Variants in AFMID observed in about 807,000 individuals in gnomAD.
The protein encoded by AFMID is arylformamidase, also known as kynurenine formamidase.
In AFMID, 39 loss-of-function variants were observed where a neutral mutation model predicts 47.5. The ratio of observed to expected loss-of-function variants is 0.82; its 90% CI spans 0.64 to 1.07. AFMID has a LOEUF of 1.07. Ranked by LOEUF, AFMID falls within the 50% of genes least tolerant of loss-of-function variation. The pLI, the probability that AFMID is intolerant of heterozygous loss-of-function variation, is 0.00. For missense variants in AFMID, 375 were observed against 387.5 expected, an observed-to-expected ratio of 0.97 and a Z score of 0.27; for synonymous variants, 130 against 153.2, an observed-to-expected ratio of 0.85 and a Z score of 1.12.
At chr17:78,190,250 C>T (rs1165300121) in intron 1 of AFMID, among the ~76,000 whole-genome samples, 1 of 152,088 alleles carries the variant, frequency 6.6e-6, no homozygotes, top group Non-Finnish European at 1.5e-5. Context: ...AGCCCAGCCT[C>T]CCAGCCTCAC....
chr17:78,207,273 CTTTTTTTTTTT>C lies in AFMID; in HGVS notation c.*354_*364del, dbSNP rs1163959276. On this transcript the variant is annotated 3_prime_UTR_variant, in exon 11 of 11. Transcript: ENST00000409257. Reference sequence around the variant, plus strand: ...ACGCTCAAAAGTAATGCCATTACTTCTTTTTTTTTTTTTTTTTTTTTTTTTTTTGAGATGGA... The same window carrying C: ...ACGCTCAAAAGTAATGCCATTACTTCTTTTTTTTTTTTTTTTTGAGATGGA... The C allele has an allele frequency of 1.5e-4, 13 of 85,386 alleles. No individual in the cohort carries two copies. Among genetic ancestry groups the C allele is most frequent in the Admixed American group, 2.3e-4 (1 of 4,284 alleles). The allele number at this position is 85,386 out of a possible 1,614,324, so 5.3% of individuals were successfully genotyped here.
chr17:78,206,797 G>T, intron 10 of AFMID, 114 bp from the exon 11 acceptor site: 1 of 1,160,062 alleles, frequency 8.6e-7, no homozygotes, highest in African/African-American at 1.5e-5. Flanking sequence ...CTCCCGAAGG[G>T]TTGGGGTTGC....
At chr17:78,199,653 G>A (rs563095568) in intron 2 of AFMID, among the ~76,000 whole-genome samples, 2 of 145,108 alleles carry the variant, frequency 1.4e-5, no homozygotes, top group East Asian at 4.2e-4. Context: ...GATTGCAGGT[G>A]TGCGCCGCCG....
chr17:78,190,415 G>A (rs1023372460), intron 1 of AFMID, among the ~76,000 whole-genome samples: 6 of 151,990 alleles, frequency 3.9e-5, no homozygotes, highest in African/African-American at 1.5e-4. Context: ...ATTTTTTTGA[G>A]GTAGAGTCTT....
chr17:78,196,040 G>A (rs1056584246), intron 2 of AFMID, among the ~76,000 whole-genome samples: 18 of 152,064 alleles, frequency 1.2e-4, no homozygotes, highest in African/African-American at 2.4e-5. Flanking sequence ...GGGTTTCACC[G>A]TGTTAGCCAG....
chr17:78,197,044 A>G (rs749037835), intron 2 of AFMID: 40 of 968,446 alleles, frequency 4.1e-5, no homozygotes, highest in Non-Finnish European at 5.9e-5. Context: ...CATGATAATG[A>G]ACACCTATAG....
intron 2 of AFMID, among the ~76,000 whole-genome samples, chr17:78,198,396 C>T (rs1025668236): frequency 4.0e-5 from 6 of 151,070 alleles, no homozygotes; most frequent in African/African-American, 9.8e-5. Context: ...GTCAGGAGTT[C>T]GAGACCAACC....
intron 2 of AFMID, chr17:78,197,108 C>G: frequency 6.6e-7 from 1 of 1,519,472 alleles, no homozygotes; most frequent in Non-Finnish European, 8.9e-7. Flanking sequence ...TGATGTTTTT[C>G]TTAATCGTAG....
intron 2 of AFMID, among the ~76,000 whole-genome samples, chr17:78,195,256 G>A (rs1328493504): frequency 6.6e-6 from 1 of 151,756 alleles, no homozygotes; most frequent in Non-Finnish European, 1.5e-5. Flanking sequence ...GGGCAGTGGT[G>A]CTATGTCATC....
chr17:78,202,240 AC>A (rs2076262094), intron 2 of AFMID, among the ~76,000 whole-genome samples: 1 of 149,234 alleles, frequency 6.7e-6, no homozygotes, highest in Admixed American at 6.7e-5. Context: ...CTGGCCAACA[AC>A]CCTGTCTCTA....
intron 2 of AFMID, chr17:78,197,559 T>G: frequency 4.6e-6 from 1 of 217,526 alleles, no homozygotes; most frequent in South Asian, 7.6e-5. Context: ...CCATTAAGTT[T>G]CCCCAGTCTG....
At position 78,205,716 on chromosome 17, in the gene AFMID, G is replaced by C. The variant is rs371373442; in HGVS notation, c.758G>C (p.Arg253Pro). 6.2e-7 allele frequency: 1 copy of C among 1,610,618 alleles called. No homozygotes were observed. Among genetic ancestry groups the C allele is most frequent in the Non-Finnish European group, 8.5e-7 (1 of 1,180,004 alleles). The change falls in exon 9 of 11, where the codon CGA becomes CCA. Residue 253 changes from arginine (R) to proline (P), a missense_variant. Arg to Pro is a moderately radical substitution (Grantham distance 103). Transcript: ENST00000409257. ...CAGTTCGACTCCCCCGAATTCCACC[G>C]ACAGTCCTGGGAGTTTTACCAGGTA... ...VGQFDSPEFHRQSWEFYQTLC... is the reference protein window; with the variant it reads ...VGQFDSPEFHPQSWEFYQTLC...
chr17:78,189,530 T>G (rs1361078047), intron 1 of AFMID, among the ~76,000 whole-genome samples: 2 of 150,158 alleles, frequency 1.3e-5, no homozygotes, highest in East Asian at 1.9e-4. Context: ...GTGTTTTGTT[T>G]TTTTTTTTTT....
At chr17:78,192,882 G>A in intron 2 of AFMID, 4 of 278,618 alleles carry the variant, frequency 1.4e-5, no homozygotes, top group South Asian at 1.3e-4. Flanking sequence ...TGGGCTTGGT[G>A]GTTTTCTAAG....
At chr17:78,195,505 GT>G (rs1302498783) in intron 2 of AFMID, among the ~76,000 whole-genome samples, 1,826 of 134,784 alleles carry the variant, frequency 0.014, 11 homozygotes, top group Non-Finnish European at 0.02. Flanking sequence ...CTGCAGTCCT[GT>G]TTTTTTTTTT....
At position 78,202,685 on chromosome 17, in the gene AFMID, C is replaced by T. The variant is rs1425364951; in HGVS notation, c.260-18C>T. On this transcript the variant is annotated intron_variant, in intron 3 of 10. Transcript: ENST00000409257. ...GCAGGGCGGGCCTTGCTCACACGCC[C>T]TGTGCTTGGTTTTGCAGCCTTGCCT... 6.4e-7 allele frequency: 1 copy of T among 1,564,110 alleles called. No individual in the cohort carries two copies. Among genetic ancestry groups the T allele is most frequent in the Admixed American group, 1.9e-5 (1 of 51,658 alleles).
intron 4 of AFMID, chr17:78,203,116 A>G (rs1325192065): frequency 5.1e-6 from 1 of 194,406 alleles, no homozygotes; most frequent in Non-Finnish European, 9.8e-6. Flanking sequence ...ACTGGAACGC[A>G]GTGGTGCGAC....
At chr17:78,206,282 T>C (rs1175955449) in intron 10 of AFMID, among the ~76,000 whole-genome samples, 1 of 140,340 alleles carries the variant, frequency 7.1e-6, no homozygotes, top group African/African-American at 2.7e-5. Flanking sequence ...GAGATTGCAG[T>C]GAGCCAAGAT....
At chr17:78,191,153 C>A (rs1268299647) in intron 2 of AFMID, 93 bp downstream of exon 2, 3 of 1,105,636 alleles carry the variant, frequency 2.7e-6, no homozygotes, top group Non-Finnish European at 2.7e-6. Context: ...TGTGCTGCAC[C>A]ACCTGGGCCT....
Sources: allele counts gnomAD v4.1 joint callset (sites outside exome capture counted in the v4.1 genomes callset), GRCh38; gene constraint gnomAD v4.1.1; transcripts MANE v1.5; gene names NCBI Gene and HGNC (gene_info 2026-07-23, HGNC 2026-07-21).